LRRC4C: variants seen among roughly 807,000 people sequenced by gnomAD.
LRRC4C encodes the protein leucine-rich repeat-containing protein 4C.
Under a neutral mutation model 33.6 loss-of-function variants are expected in LRRC4C, and 5 were observed. That is an observed-to-expected ratio of 0.15 (90% CI 0.08 to 0.31). The LOEUF (loss-of-function observed/expected upper bound fraction) is 0.31. LRRC4C is among the 10% of genes least tolerant of loss of function. The pLI is 1.00. For synonymous variants in LRRC4C, 329 were observed against 302.0 expected (o/e 1.09, Z -0.93); for missense variants, 560 against 796.7 (o/e 0.70, Z 3.58).
rs535316679 is a variant in LRRC4C, at chr11:40,406,486, G to A, written c.-269-86765C>T. Among the ~76,000 whole-genome samples the A allele has an allele frequency of 4.2e-3, 647 of 152,240 alleles. 7 individuals are homozygous for A. The highest frequency in any genetic ancestry group is 6.9e-3 in the Non-Finnish European group (468 of 68,008). On this transcript the variant is annotated intron_variant, in intron 3 of 6. Transcript: ENST00000528697. ...CACCATTATATTTCCAAATAAGAGT[G>A]TGATGCCTGGTATGTGTTGGGCAGT...
chr11:40,462,550 T>C (rs1565413113), intron 3 of LRRC4C, among the ~76,000 whole-genome samples: 1 of 152,060 alleles, frequency 6.6e-6, no homozygotes, highest in African/African-American at 2.4e-5. Context: ...CCTATTGAGA[T>C]AAGAAGACAG....
intron 4 of LRRC4C, among the ~76,000 whole-genome samples, chr11:40,257,944 G>C (rs1867349658): frequency 6.6e-6 from 1 of 152,132 alleles, no homozygotes; most frequent in South Asian, 2.1e-4. Flanking sequence ...GATAACTATT[G>C]CTAACGGCTA....
intron 1 of LRRC4C, among the ~76,000 whole-genome samples, chr11:41,097,497 T>A (rs1394303932): frequency 6.6e-6 from 1 of 152,056 alleles, no homozygotes; most frequent in Non-Finnish European, 1.5e-5. Context: ...TTGAGGGGGC[T>A]CCCAAGATGA....
chr11:41,253,298 C>T (rs564081049), intron 1 of LRRC4C, among the ~76,000 whole-genome samples: 1 of 152,072 alleles, frequency 6.6e-6, no homozygotes, highest in Admixed American at 6.6e-5. Context: ...ATTCTTTTCA[C>T]TTTCTTTAAT....
intron 1 of LRRC4C, among the ~76,000 whole-genome samples, chr11:41,208,348 A>T (rs1590937165): frequency 6.6e-6 from 1 of 152,188 alleles, no homozygotes; most frequent in African/African-American, 2.4e-5. Context: ...GCGGAAAGAG[A>T]TAGATTGAAG....
At chr11:41,137,122 C>T (rs952260314) in intron 1 of LRRC4C, among the ~76,000 whole-genome samples, 9 of 151,810 alleles carry the variant, frequency 5.9e-5, no homozygotes, top group African/African-American at 2.2e-4. Flanking sequence ...GTGGCGTGTC[C>T]CTGTAGTCCC....
rs139619476 is a variant in LRRC4C, at chr11:41,096,776, T to C, written c.-495-163053A>G. On this transcript the variant is annotated intron_variant, in intron 1 of 6. Transcript: ENST00000528697. ...AAAGAGGTTGTAGCATCCTATAAGG[T>C]AAAGCTTTGTAAGTCCTAGTAAAAG... Among the ~76,000 whole-genome samples the C allele has an allele frequency of 5.9e-4, 90 of 152,156 alleles. No homozygotes were observed. The East Asian group carries it at 0.013, about 22-fold the overall frequency.
At chr11:40,976,819 A>G (rs1852118538) in intron 1 of LRRC4C, among the ~76,000 whole-genome samples, 1 of 152,176 alleles carries the variant, frequency 6.6e-6, no homozygotes, top group South Asian at 2.1e-4. Context: ...TTTTTGCACC[A>G]GGAACCAATT....
rs565618294 is a variant in LRRC4C at position 40,368,345 on chromosome 11, G to T, written c.-269-48624C>A. On this transcript the variant is annotated intron_variant, in intron 3 of 6. Coordinates refer to ENST00000528697, the MANE Select transcript of LRRC4C (RefSeq NM_001258419.2). The stretch of plus-strand genomic sequence containing the variant: ...TTCTTACTTCTTAATCTTAGGTAAT[G>T]ACTCTTCAGTGTTTGGATGAGAGTA... Among the ~76,000 whole-genome samples the T allele has an allele frequency of 1.1e-4, 16 of 152,226 alleles. No individual in the cohort carries two copies. The East Asian group carries it at 2.7e-3, about 26-fold the overall frequency.
At chr11:41,192,398 T>TAC (rs148065178) in intron 1 of LRRC4C, among the ~76,000 whole-genome samples, 11,417 of 145,762 alleles carry the variant, frequency 0.078, 581 homozygotes, top group African/African-American at 0.15. Context: ...AAGAAGATCA[T>TAC]ACACACACAC....
chr11:40,817,306 A>G (rs1186548475), intron 2 of LRRC4C, among the ~76,000 whole-genome samples: 1 of 152,166 alleles, frequency 6.6e-6, no homozygotes, highest in East Asian at 1.9e-4. Flanking sequence ...AGACAGACAG[A>G]CAGAGAGACT....
At chr11:41,222,120 C>T (rs953686310) in intron 1 of LRRC4C, among the ~76,000 whole-genome samples, 5 of 152,154 alleles carry the variant, frequency 3.3e-5, no homozygotes, top group Non-Finnish European at 7.4e-5. Flanking sequence ...CAACTAGCAA[C>T]AAGAGACAAA....
At chr11:40,475,248 A>G (rs1190058844) in intron 3 of LRRC4C, among the ~76,000 whole-genome samples, 1 of 152,226 alleles carries the variant, frequency 6.6e-6, no homozygotes, top group African/African-American at 2.4e-5. Flanking sequence ...TGGCACATAT[A>G]CACCATGGAA....
intron 2 of LRRC4C, among the ~76,000 whole-genome samples, chr11:40,713,052 C>A (rs1296397000): frequency 7.3e-6 from 1 of 137,762 alleles, no homozygotes; most frequent in East Asian, 2.2e-4. Context: ...CAATGCCTGG[C>A]TAATTTTTTT....
chr11:41,457,815 G>A (rs1186027396), intron 1 of LRRC4C, among the ~76,000 whole-genome samples: 3 of 152,082 alleles, frequency 2.0e-5, no homozygotes, highest in Non-Finnish European at 2.9e-5. Context: ...TGCTCCAGGG[G>A]TGGAGGAGGG....
At chr11:40,635,628 ATTTTTTTT>A (rs71060975) in intron 3 of LRRC4C, among the ~76,000 whole-genome samples, 9 of 92,222 alleles carry the variant, frequency 9.8e-5, no homozygotes, top group African/African-American at 3.2e-4. Context: ...AAAGAACCAA[ATTTTTTTT>A]TTTTTTTTTT....
intron 2 of LRRC4C, among the ~76,000 whole-genome samples, chr11:40,823,081 G>A (rs1261112350): frequency 6.6e-6 from 1 of 151,686 alleles, no homozygotes; most frequent in Non-Finnish European, 1.5e-5. Context: ...AGCATTCAAT[G>A]TCAAAATGTT....
chr11:40,796,655 T>A (rs1406993536), intron 2 of LRRC4C, among the ~76,000 whole-genome samples: 3 of 135,592 alleles, frequency 2.2e-5, no homozygotes, highest in Non-Finnish European at 4.6e-5. Flanking sequence ...TTTTTTTTTT[T>A]TTTTATTTTG....
chr11:40,995,290 T>C (rs1000325586), intron 1 of LRRC4C, among the ~76,000 whole-genome samples: 2 of 152,108 alleles, frequency 1.3e-5, no homozygotes, highest in Non-Finnish European at 2.9e-5. Context: ...CCAGAGGGAA[T>C]ACCTTGTTCT....
Sources: allele counts gnomAD v4.1 joint callset (sites outside exome capture counted in the v4.1 genomes callset), GRCh38; gene constraint gnomAD v4.1.1; transcripts MANE v1.5; gene names NCBI Gene and HGNC (gene_info 2026-07-23, HGNC 2026-07-21).